The following PKN2 variants were observed in gnomAD, a reference collection of about 807,000 sequenced individuals.
PKN2 encodes protein kinase N2.
A neutral mutation model predicts 119.1 loss-of-function variants in PKN2; 38 were observed. That is an observed-to-expected ratio of 0.32 (90% CI 0.25 to 0.42). The LOEUF (loss-of-function observed/expected upper bound fraction) is 0.42, where lower values mean the gene tolerates loss of function less well. Among genes scored for constraint, PKN2 ranks in the 10% least tolerant of loss-of-function variants. The pLI is 1.00. For synonymous variants in PKN2, 390 were observed against 384.9 expected, an observed-to-expected ratio of 1.01 and a Z score of -0.15; for missense variants, 850 against 1,165.1, an observed-to-expected ratio of 0.73 and a Z score of 3.94.
intron 1 of PKN2, 43 bp downstream of exon 1, chr1:88,684,671 A>C (rs902152530): frequency 1.4e-6 from 2 of 1,466,042 alleles, no homozygotes; most frequent in Non-Finnish European, 1.8e-6. Flanking sequence ...CGGAGGAGAC[A>C]GGGAGAGAGC....
chr1:88,834,471 C>T lies in PKN2; in HGVS notation c.*1023C>T, dbSNP rs1672862334. On this transcript the variant is annotated 3_prime_UTR_variant, in exon 22 of 22. Coordinates refer to ENST00000370521, the MANE Select transcript of PKN2 (RefSeq NM_006256.4). The stretch of plus-strand genomic sequence containing the variant: ...GTAGGCTTATTATTTAATTTTACCA[C>T]TTCATCACTTTTGTACAGTGGCCAA... The T allele has an allele frequency of 6.6e-6, 1 of 152,400 alleles. No individual in the cohort carries two copies. Among genetic ancestry groups the T allele is most frequent in the Non-Finnish European group, 1.5e-5 (1 of 67,946 alleles). 9.4% of individuals were successfully genotyped at this position (152,400 alleles called of 1,614,324 possible).
chr1:88,818,523 C>G (rs1486777608), intron 16 of PKN2, among the ~76,000 whole-genome samples: 1 of 151,864 alleles, frequency 6.6e-6, no homozygotes, highest in Non-Finnish European at 1.5e-5. Flanking sequence ...TGGTACACGC[C>G]TGTAATCCCA....
intron 1 of PKN2, among the ~76,000 whole-genome samples, chr1:88,685,445 G>T (rs1666051947): frequency 6.6e-6 from 1 of 152,118 alleles, no homozygotes; most frequent in Admixed American, 6.5e-5. Context: ...GGCACCACAT[G>T]TCTGCAAAAG....
chr1:88,745,347 C>G (rs1407863517), intron 2 of PKN2, among the ~76,000 whole-genome samples: 1 of 152,180 alleles, frequency 6.6e-6, no homozygotes, highest in East Asian at 1.9e-4. Flanking sequence ...ACAACACAAT[C>G]TTACATATAT....
Position 88,742,173 on chromosome 1 carries a change from G to A in PKN2, c.349+885G>A, listed in dbSNP as rs143955946. On this transcript the variant is annotated intron_variant, in intron 2 of 21. Transcript: ENST00000370521. ...TTTTTTATTTGCAAAGAAAAAGAGT[G>A]TGAGAGTGTATAGAGTAATACACCT... is the stretch of plus-strand genomic sequence containing the variant. Among the ~76,000 whole-genome samples, 161 of 152,296 alleles carry A rather than the reference G, an allele frequency of 1.1e-3. 1 individual carries two copies. The highest frequency in any genetic ancestry group is 3.6e-3 in the African/African-American group (148 of 41,580).
chr1:88,754,689 A>G (rs1465145536), intron 2 of PKN2, among the ~76,000 whole-genome samples: 1 of 152,230 alleles, frequency 6.6e-6, no homozygotes, highest in Non-Finnish European at 1.5e-5. Context: ...AGATGTGGCT[A>G]TTAAAAATAT....
At chr1:88,688,698 G>C (rs1160812091) in intron 1 of PKN2, among the ~76,000 whole-genome samples, 1 of 152,122 alleles carries the variant, frequency 6.6e-6, no homozygotes, top group Non-Finnish European at 1.5e-5. Flanking sequence ...TCACATGCTT[G>C]CCCAAAACTT....
intron 1 of PKN2, among the ~76,000 whole-genome samples, chr1:88,709,937 A>G (rs746426744): frequency 6.6e-6 from 1 of 152,172 alleles, no homozygotes; most frequent in Admixed American, 6.6e-5. Context: ...GTGGAGGGCA[A>G]GAGAAGGGAC....
At chr1:88,761,646 A>C (rs1669448879) in intron 3 of PKN2, among the ~76,000 whole-genome samples, 1 of 150,986 alleles carries the variant, frequency 6.6e-6, no homozygotes, top group Non-Finnish European at 1.5e-5. Flanking sequence ...ACATTAGGGA[A>C]GTTACCAAAA....
intron 2 of PKN2, among the ~76,000 whole-genome samples, chr1:88,749,403 CAAA>C (rs11430270): frequency 2.6e-5 from 3 of 116,786 alleles, no homozygotes; most frequent in Non-Finnish European, 3.6e-5. Context: ...GACTCCGTCT[CAAA>C]AAAAAAAAAA....
At chr1:88,777,201 A>AT (rs1368729049) in intron 6 of PKN2, among the ~76,000 whole-genome samples, 1 of 151,610 alleles carries the variant, frequency 6.6e-6, no homozygotes, top group Non-Finnish European at 1.5e-5. Flanking sequence ...TCTCTAGCAA[A>AT]TTTTTTCATT....
chr1:88,770,806 C>T (rs1019760865), intron 4 of PKN2, among the ~76,000 whole-genome samples: 3 of 150,884 alleles, frequency 2.0e-5, no homozygotes, highest in East Asian at 1.9e-4. Context: ...GGGATGGTCT[C>T]GATCTCCTGA....
intron 16 of PKN2, 60 bp from the exon 17 acceptor site, chr1:88,821,881 A>G: frequency 1.5e-6 from 2 of 1,291,574 alleles, no homozygotes; most frequent in South Asian, 3.1e-5. Context: ...TAAACATATA[A>G]GCTGGGATTC....
intron 19 of PKN2, 123 bp downstream of exon 19, chr1:88,828,746 A>G (rs1306785063): frequency 8.2e-6 from 6 of 735,456 alleles, no homozygotes; most frequent in Non-Finnish European, 1.1e-5. Context: ...ATAAATATTT[A>G]TAGTATACTA....
At chr1:88,806,890 G>A (rs1480732170) in intron 12 of PKN2, among the ~76,000 whole-genome samples, 2 of 151,738 alleles carry the variant, frequency 1.3e-5, no homozygotes, top group Non-Finnish European at 1.5e-5. Flanking sequence ...CACTAGTTTT[G>A]TATTTTTAGT....
chr1:88,798,976 G>A (rs1671203724), intron 8 of PKN2, among the ~76,000 whole-genome samples: 1 of 151,732 alleles, frequency 6.6e-6, no homozygotes, highest in Non-Finnish European at 1.5e-5. Context: ...AGAATAGTAG[G>A]AAAATCTTAT....
At chr1:88,704,936 A>G (rs1405890425) in intron 1 of PKN2, among the ~76,000 whole-genome samples, 1 of 152,180 alleles carries the variant, frequency 6.6e-6, no homozygotes, top group East Asian at 1.9e-4. Context: ...ATGTTGAACC[A>G]TCTTTTCATG....
Position 88,813,553 on chromosome 1 carries a change from A to G in PKN2, c.2103-4A>G, listed in dbSNP as rs1671863099. On this transcript the variant is annotated splice_polypyrimidine_tract_variant and splice_region_variant and intron_variant, in intron 15 of 21. Coordinates refer to ENST00000370521, the MANE Select transcript of PKN2 (RefSeq NM_006256.4). ...TGCTTATTTTAAAATATTTTCTTTT[A>G]CAGCCTGATGTGTGAAAAAAGAATT... The G allele has an allele frequency of 6.5e-7, 1 of 1,535,212 alleles. No homozygotes were observed. The highest frequency in any genetic ancestry group is 1.4e-5 in the African/African-American group (1 of 71,300).
Position 88,792,301 on chromosome 1 carries a change from G to A in PKN2, c.1281+6088G>A, listed in dbSNP as rs138714455. Reference sequence around the variant, plus strand: ...TGCCTGTAACCCAGCTACTCGGGAGGCTGAGGCAATAGAATCGCTTGAACC... The same window carrying A: ...TGCCTGTAACCCAGCTACTCGGGAGACTGAGGCAATAGAATCGCTTGAACC... On this transcript the variant is annotated intron_variant, in intron 8 of 21. Transcript: ENST00000370521. 7.8e-3 allele frequency among the ~76,000 whole-genome samples: 1,184 copies of A among 152,280 alleles called. 18 individuals carry two copies. The highest frequency in any genetic ancestry group is 0.027 in the African/African-American group (1,130 of 41,550).
Sources: gnomAD v4.1 joint callset for allele counts (sites outside exome capture counted in the v4.1 genomes callset) on GRCh38, gnomAD v4.1.1 for gene constraint, MANE v1.5 for transcripts, NCBI Gene and HGNC (gene_info 2026-07-23, HGNC 2026-07-21) for gene names.